Variants in FRMD3 observed in about 807,000 individuals in gnomAD.
FRMD3 encodes the protein FERM domain containing 3.
In FRMD3, 33 loss-of-function variants were observed where a neutral mutation model predicts 70.2. The ratio of observed to expected loss-of-function variants is 0.47; its 90% CI spans 0.36 to 0.63. The LOEUF is 0.63. Among genes scored for constraint, FRMD3 ranks in the 20% least tolerant of loss-of-function variants. FRMD3 has a pLI of 0.00. For missense variants in FRMD3, 632 were observed against 711.4 expected, an observed-to-expected ratio of 0.89 and a Z score of 1.27; for synonymous variants, 279 against 255.9, an observed-to-expected ratio of 1.09 and a Z score of -0.86.
the FRMD3 span, among the ~76,000 whole-genome samples, chr9:83,573,738 T>TTCTCTCTCTCTCTC: frequency 4.1e-4 from 60 of 146,240 alleles, no homozygotes; most frequent in African/African-American, 1.5e-3. Flanking sequence ...AAAAGAACGA[T>TTCTCTCTCTCTCTC]TCTCTCTCTC....
intron 13 of FRMD3, among the ~76,000 whole-genome samples, chr9:83,271,221 A>G (rs1277450374): frequency 6.6e-6 from 1 of 152,216 alleles, no homozygotes; most frequent in African/African-American, 2.4e-5. Context: ...GTCAGCCATT[A>G]GTTAAAATAG....
the FRMD3 span, among the ~76,000 whole-genome samples, chr9:83,559,117 A>T: frequency 6.6e-6 from 1 of 152,170 alleles, no homozygotes; most frequent in East Asian, 1.9e-4. Context: ...GAGAGGATTG[A>T]CTCCAGTTTT....
chr9:83,529,030 A>C (rs2131555078), intron 1 of FRMD3, among the ~76,000 whole-genome samples: 1 of 152,374 alleles, frequency 6.6e-6, no homozygotes, highest in African/African-American at 2.4e-5. Flanking sequence ...TAGTGATAAA[A>C]GCAGCATTGT....
intron 1 of FRMD3, among the ~76,000 whole-genome samples, chr9:83,498,803 T>A (rs928350456): frequency 3.9e-5 from 6 of 152,126 alleles, no homozygotes; most frequent in Admixed American, 3.3e-4. Context: ...AAAACAGCTC[T>A]TAGACAAGAC....
chr9:83,344,458 T>G (rs1200007303), intron 4 of FRMD3, among the ~76,000 whole-genome samples: 2 of 152,188 alleles, frequency 1.3e-5, no homozygotes, highest in Non-Finnish European at 2.9e-5. Flanking sequence ...GATTAGCATT[T>G]GACTTGGTGG....
intron 1 of FRMD3, among the ~76,000 whole-genome samples, chr9:83,458,355 C>T (rs1328463181): frequency 6.6e-6 from 1 of 152,192 alleles, no homozygotes; most frequent in African/African-American, 2.4e-5. Context: ...TACTGTAACC[C>T]CAGGATCTGG....
chr9:83,461,633 C>G (rs1481641372), intron 1 of FRMD3, among the ~76,000 whole-genome samples: 1 of 137,802 alleles, frequency 7.3e-6, no homozygotes. Flanking sequence ...CATTTAAAAG[C>G]AGCAAAAATC....
At chr9:83,423,931 G>A (rs1411079691) in intron 1 of FRMD3, among the ~76,000 whole-genome samples, 1 of 152,076 alleles carries the variant, frequency 6.6e-6, no homozygotes, top group Non-Finnish European at 1.5e-5. Context: ...GCCACATATG[G>A]CTAGTGTCTA....
intron 1 of FRMD3, among the ~76,000 whole-genome samples, chr9:83,515,978 A>C (rs543308571): frequency 6.6e-6 from 1 of 152,204 alleles, no homozygotes; most frequent in African/African-American, 2.4e-5. Context: ...AGCACTAACT[A>C]TGGGAAGGAA....
In FRMD3 at chr9:83,362,188, TCTCTC is replaced by T. The variant is rs1438692079; in HGVS notation, c.295+10720_295+10724del. Among the ~76,000 whole-genome samples, 47 of 151,608 alleles carry T rather than the reference TCTCTC, an allele frequency of 3.1e-4. No individual in the cohort carries two copies. The East Asian group carries it at 4.3e-3, about 14-fold the overall frequency. On this transcript the variant is annotated intron_variant, in intron 3 of 13. Transcript: ENST00000304195. ...CGATGCTGTTGGTTCTCTCTCTCTCTCTCTCTCTCTCTCTCTCTCTCAATCTCAAT... is the reference window on the plus strand; with the variant it reads ...CGATGCTGTTGGTTCTCTCTCTCTCTTCTCTCTCTCTCTCTCAATCTCAAT...
intron 1 of FRMD3, among the ~76,000 whole-genome samples, chr9:83,530,493 G>C (rs1829771127): frequency 6.6e-6 from 1 of 152,158 alleles, no homozygotes; most frequent in African/African-American, 2.4e-5. Flanking sequence ...AGGTCTGGAG[G>C]GAAATGGAGG....
At chr9:83,256,015 A>C (rs1832690236) in intron 13 of FRMD3, among the ~76,000 whole-genome samples, 1 of 152,214 alleles carries the variant, frequency 6.6e-6, no homozygotes, top group South Asian at 2.1e-4. Context: ...GAATTAAACA[A>C]AAATATTTTA....
At chr9:83,582,771 T>A in the FRMD3 span, among the ~76,000 whole-genome samples, 1 of 152,186 alleles carries the variant, frequency 6.6e-6, no homozygotes, top group African/African-American at 2.4e-5. Context: ...TTGGAGAGGT[T>A]CCCAAACATT....
In FRMD3 at chr9:83,490,798, TCACACA is replaced by T. The variant is rs60065758; in HGVS notation, c.147+47281_147+47286del. 1.1e-3 allele frequency among the ~76,000 whole-genome samples: 125 copies of T among 110,784 alleles called. 1 individual carries two copies. The highest frequency in any genetic ancestry group is 2.5e-3 in the African/African-American group (67 of 27,194). The allele number at this position is 110,784 out of a possible 152,430, so 72.7% of individuals were successfully genotyped here. A position where few individuals can be genotyped will look rare whatever the true frequency, so the allele number is the denominator to read the frequency against. On this transcript the variant is annotated intron_variant, in intron 1 of 13. Coordinates refer to ENST00000304195, the MANE Select transcript of FRMD3 (RefSeq NM_174938.6). ...CTCTCTCTCTCTCTCTCTCTCTCTC[TCACACA>T]CACACACACACACACACACACACAC...
the FRMD3 span, among the ~76,000 whole-genome samples, chr9:83,553,103 G>C: frequency 6.6e-6 from 1 of 152,082 alleles, no homozygotes; most frequent in African/African-American, 2.4e-5. Context: ...TTTTGTATTA[G>C]CTAGCAGCAG....
At chr9:83,341,400 T>C (rs1210829863) in intron 5 of FRMD3, among the ~76,000 whole-genome samples, 1 of 152,142 alleles carries the variant, frequency 6.6e-6, no homozygotes. Flanking sequence ...TGGCGAGCTT[T>C]CCATTATAGA....
intron 1 of FRMD3, among the ~76,000 whole-genome samples, chr9:83,432,760 T>A (rs12337014): frequency 1.2e-4 from 18 of 152,358 alleles, no homozygotes; most frequent in South Asian, 4.1e-4. Flanking sequence ...TTTAAAAAAA[T>A]TTTAATTTCA....
chr9:83,243,089 G>C, downstream of FRMD3: 2 of 1,002,588 alleles, frequency 2.0e-6, no homozygotes, highest in Middle Eastern at 3.0e-4. Context: ...GACGGCTGCC[G>C]AGCCCACTGG....
Position 83,422,671 on chromosome 9 carries a change from G to T in FRMD3, c.148-32963C>A, listed in dbSNP as rs60953197. Among the ~76,000 whole-genome samples, 290 of 152,238 alleles carry T rather than the reference G, an allele frequency of 1.9e-3. 2 individuals are homozygous for T. Among genetic ancestry groups the T allele is most frequent in the African/African-American group, 6.8e-3 (281 of 41,544 alleles). The stretch of plus-strand genomic sequence containing the variant: ...GAGGGACAAATGATCACAGAACTCT[G>T]CTTGGTAAAATATGAGAGTGACTCC... On this transcript the variant is annotated intron_variant, in intron 1 of 13. Transcript: ENST00000304195.
Sources: gnomAD v4.1 joint callset for allele counts (sites outside exome capture counted in the v4.1 genomes callset) on GRCh38, gnomAD v4.1.1 for gene constraint, MANE v1.5 for transcripts, NCBI Gene and HGNC (gene_info 2026-07-23, HGNC 2026-07-21) for gene names.